USP21: variants seen among roughly 807,000 people sequenced by gnomAD.
USP21 encodes the protein ubiquitin carboxyl-terminal hydrolase 21.
Under a neutral mutation model 70.8 loss-of-function variants are expected in USP21, and 37 were observed. That is an observed-to-expected ratio of 0.52 (90% confidence interval 0.40 to 0.69). The LOEUF (loss-of-function observed/expected upper bound fraction) is 0.69. Ranked by LOEUF, USP21 falls within the 30% of genes least tolerant of loss-of-function variation. USP21 has a pLI of 0.00. For synonymous variants in USP21, 263 were observed against 283.1 expected (o/e 0.93, Z 0.71); for missense variants, 584 against 740.8 (o/e 0.79, Z 2.46).
In USP21 at chr1:161,164,918, G is replaced by C. The variant is rs1402409139; in HGVS notation, c.1468G>C (p.Gly490Arg). The change falls in exon 12 of 14, where the codon GGG becomes CGG. Residue 490 changes from glycine (G) to arginine (R), a missense_variant. Gly to Arg is a moderately radical substitution (Grantham distance 125). Transcript: ENST00000368002. The surrounding 1 kb of genome is among the most constrained non-coding windows in gnomAD (Gnocchi z 4.2). ...CTTTCCACTGCAGCGACTGAGCCTAGGGGACTTTGCCAGTGACAAAGCCGG... is the reference window on the plus strand; with the variant it reads ...CTTTCCACTGCAGCGACTGAGCCTACGGGACTTTGCCAGTGACAAAGCCGG... ...VDFPLQRLSL[G>R]DFASDKAGSP... 4 of 1,613,952 alleles carry C rather than the reference G, an allele frequency of 2.5e-6. No individual in the cohort carries two copies. The East Asian group carries it at 8.9e-5, about 36-fold the overall frequency.
At position 161,163,907 on chromosome 1, in the gene USP21, C is replaced by T; in HGVS notation, c.1144C>T (p.Leu382Phe). ...DLFVGQLKSC[L>F]KCQACGYRST... Reference sequence around the variant, plus strand: ...GTTTGTGGGCCAGTTGAAAAGTTGTCTCAAGTGCCAGGCCTGTGGGTATCG... The same window carrying T: ...GTTTGTGGGCCAGTTGAAAAGTTGTTTCAAGTGCCAGGCCTGTGGGTATCG... Residue 382 changes from leucine (L) to phenylalanine (F), a missense_variant, in exon 9 of 14, where the codon CTC becomes TTC. Coordinates refer to ENST00000368002, the MANE Select transcript of USP21 (RefSeq NM_001014443.3). The T allele has an allele frequency of 1.2e-6, 2 of 1,614,174 alleles. No individual in the cohort carries two copies. The highest frequency in any genetic ancestry group is 1.7e-6 in the Non-Finnish European group (2 of 1,180,034).
At chr1:161,159,759 C>T (rs373521826) in intron 1 of USP21, 81 bp downstream of exon 1, 47 of 152,470 alleles carry the variant, frequency 3.1e-4, no homozygotes, top group African/African-American at 8.7e-4. Flanking sequence ...AGGACACTCT[C>T]CACAAAGGCG....
chr1:161,162,175 G>C lies in USP21; in HGVS notation c.660+78G>C. On this transcript the variant is annotated intron_variant, in intron 4 of 13. Transcript: ENST00000368002. The surrounding 1 kb of genome is among the most constrained non-coding windows in gnomAD (Gnocchi z 4.1). ...GGGGGTGGGGAAAACCCACGAGCTT[G>C]GGGAAGGCATGTGGAAGGAGAGCTC... 1 of 1,612,888 alleles carries C rather than the reference G, an allele frequency of 6.2e-7. No homozygotes were observed. Among genetic ancestry groups the C allele is most frequent in the South Asian group, 1.1e-5 (1 of 91,046 alleles).
chr1:161,164,950 T>C lies in USP21; in HGVS notation c.1492+8T>C, dbSNP rs754737832. ...TTGCCAGTGACAAAGCCGGTGAGTC[T>C]GGTGGGGAAAGTCCTAAGGAGCCAA... On this transcript the variant is annotated splice_region_variant and intron_variant, in intron 12 of 13. Coordinates refer to ENST00000368002, the MANE Select transcript of USP21 (RefSeq NM_001014443.3). This position sits in a 1 kb window ranked among gnomAD's most constrained non-coding sequence, Gnocchi z 4.2. The C allele has an allele frequency of 1.2e-6, 2 of 1,613,864 alleles. No homozygotes were observed. Among genetic ancestry groups the C allele is most frequent in the Admixed American group, 3.3e-5 (2 of 60,000 alleles).
Position 161,160,437 on chromosome 1 carries a change from C to G in USP21, c.-91C>G. 1 of 664,328 alleles carries G rather than the reference C, an allele frequency of 1.5e-6. No individual in the cohort carries two copies. Among genetic ancestry groups the G allele is most frequent in the Non-Finnish European group, 2.7e-6 (1 of 369,010 alleles). 41.2% of individuals were successfully genotyped at this position (664,328 alleles called of 1,614,324 possible). On this transcript the variant is annotated 5_prime_UTR_variant, in exon 2 of 14. Transcript: ENST00000368002. ...CAGTGCGTATACTGCTCCCCACTTT[C>G]GTTGATGTGGTAGTGGTGATGACTG...
rs1421474857 is a variant in USP21 at position 161,162,739 on chromosome 1, G to T, written c.893+13G>T. On this transcript the variant is annotated intron_variant, in intron 6 of 13. Coordinates refer to ENST00000368002, the MANE Select transcript of USP21 (RefSeq NM_001014443.3). This position sits in a 1 kb window ranked among gnomAD's most constrained non-coding sequence, Gnocchi z 4.1. Reference sequence around the variant, plus strand: ...TCTCTGGATACAGGTGGGAGAGCTGGAGGCTATGGGATTTCTCTCTGGCCA... The same window carrying T: ...TCTCTGGATACAGGTGGGAGAGCTGTAGGCTATGGGATTTCTCTCTGGCCA... 3 of 1,604,024 alleles carry T rather than the reference G, an allele frequency of 1.9e-6. No homozygotes were observed. The highest frequency in any genetic ancestry group is 2.6e-6 in the Non-Finnish European group (3 of 1,170,846).
rs758599365 is a variant in USP21 at position 161,162,369 on chromosome 1, C to A, written c.760C>A (p.Arg254=). 5 of 1,611,712 alleles carry A rather than the reference C, an allele frequency of 3.1e-6. No homozygotes were observed. Among genetic ancestry groups the A allele is most frequent in the Admixed American group, 3.4e-5 (2 of 59,680 alleles). ...DFRQEVPGGG[R]AQELTEAFAD... ...CCGGCAAGAGGTGCCTGGAGGAGGC[C>A]GAGCCCAAGAGCTCACTGAAGGTGG... Residue 254 remains arginine (R), a synonymous_variant, in exon 5 of 14, where the codon CGA becomes AGA. Transcript: ENST00000368002. This position sits in a 1 kb window ranked among gnomAD's most constrained non-coding sequence, Gnocchi z 4.1.
rs1307614006 is a variant in USP21, at chr1:161,165,522, G to C, written c.*75G>C. 2.8e-5 allele frequency: 23 copies of C among 833,644 alleles called. 1 individual carries two copies. Among genetic ancestry groups the C allele is most frequent in the South Asian group, 1.0e-4 (5 of 48,938 alleles). 51.6% of individuals were successfully genotyped at this position (833,644 alleles called of 1,614,324 possible). ...CAGGCTCCCCGTTTACCTCAGAGAC[G>C]TCTATTTTTGTGTCTTTTTAATCGG... On this transcript the variant is annotated 3_prime_UTR_variant, in exon 14 of 14. Transcript: ENST00000368002.
Position 161,165,466 on chromosome 1 carries a change from C to G in USP21, c.*19C>G. The G allele has an allele frequency of 6.3e-7, 1 of 1,593,168 alleles. No homozygotes were observed. The highest frequency in any genetic ancestry group is 8.6e-7 in the Non-Finnish European group (1 of 1,161,494). Reference sequence around the variant, plus strand: ...CCTGTGACACCTCTAAGCTCTGGCACCTGTGAAGCCCTTTAAACACCCTTA... The same window carrying G: ...CCTGTGACACCTCTAAGCTCTGGCAGCTGTGAAGCCCTTTAAACACCCTTA... On this transcript the variant is annotated 3_prime_UTR_variant, in exon 14 of 14. Coordinates refer to ENST00000368002, the MANE Select transcript of USP21 (RefSeq NM_001014443.3).
In USP21 at chr1:161,162,253, T is replaced by G; in HGVS notation, c.661-17T>G. On this transcript the variant is annotated splice_polypyrimidine_tract_variant and intron_variant, in intron 4 of 13. Coordinates refer to ENST00000368002, the MANE Select transcript of USP21 (RefSeq NM_001014443.3). The surrounding 1 kb of genome is among the most constrained non-coding windows in gnomAD (Gnocchi z 4.1). The stretch of plus-strand genomic sequence containing the variant: ...GTGGTCTGGAGAGATAACAGCAGTG[T>G]CCCTACTGCTCCCCAGTGCTTCCTG... 6.2e-7 allele frequency: 1 copy of G among 1,606,290 alleles called. No homozygotes were observed. Among genetic ancestry groups the G allele is most frequent in the Non-Finnish European group, 8.5e-7 (1 of 1,174,680 alleles).
At chr1:161,163,150 A>G (rs1322504310) in intron 7 of USP21, 76 bp downstream of exon 7, 1 of 1,479,424 alleles carries the variant, frequency 6.8e-7, no homozygotes, top group East Asian at 2.3e-5. Flanking sequence ...TAAACTAGTA[A>G]AGATTGAAGA....
Position 161,165,350 on chromosome 1 carries a change from T to C in USP21, c.1608-7T>C. 6.2e-7 allele frequency: 1 copy of C among 1,613,644 alleles called. No individual in the cohort carries two copies. The highest frequency in any genetic ancestry group is 8.5e-7 in the Non-Finnish European group (1 of 1,179,602). The stretch of plus-strand genomic sequence containing the variant: ...CACAACCCTTTCCCGATCTCCTTTT[T>C]TCCTAGTGTCTCCCCTGTCAGTGAA... On this transcript the variant is annotated splice_polypyrimidine_tract_variant and splice_region_variant and intron_variant, in intron 13 of 13. Coordinates refer to ENST00000368002, the MANE Select transcript of USP21 (RefSeq NM_001014443.3).
chr1:161,161,015 C>A lies in USP21; in HGVS notation c.375C>A (p.Ala125=). ...GGGACTTGCGTCCAATGGGGATTGC[C>A]TTGGGAGGGCACCGTGGCACCGGAG... ...SSGDLRPMGI[A]LGGHRGTGEL... The change falls in exon 3 of 14, where the codon GCC becomes GCA. Residue 125 remains alanine (A), a synonymous_variant. Transcript: ENST00000368002. The surrounding 1 kb of genome is among the most constrained non-coding windows in gnomAD (Gnocchi z 4.2). 1 of 1,614,240 alleles carries A rather than the reference C, an allele frequency of 6.2e-7. No individual in the cohort carries two copies. The highest frequency in any genetic ancestry group is 1.1e-5 in the South Asian group (1 of 91,090).
In USP21 at chr1:161,162,026, C is replaced by T. The variant is rs370641558; in HGVS notation, c.601-12C>T. ...TATATAGGAACTTGCCGATTGTACT[C>T]TGACCTTCCAGGCTCATCACACACT... On this transcript the variant is annotated splice_polypyrimidine_tract_variant and intron_variant, in intron 3 of 13. Coordinates refer to ENST00000368002, the MANE Select transcript of USP21 (RefSeq NM_001014443.3). This position sits in a 1 kb window ranked among gnomAD's most constrained non-coding sequence, Gnocchi z 4.1. The T allele has an allele frequency of 6.2e-7, 1 of 1,614,046 alleles. No homozygotes were observed. The highest frequency in any genetic ancestry group is 1.3e-5 in the African/African-American group (1 of 74,916).
Position 161,165,411 on chromosome 1 carries a change from C to A in USP21, c.1662C>A (p.Phe554Leu). ...QVASSEGYVL[F>L]YQLMQEPPRC... Reference sequence around the variant, plus strand: ...CATCCAGCGAGGGCTACGTGCTGTTCTACCAACTGATGCAGGAGCCACCCC... The same window carrying A: ...CATCCAGCGAGGGCTACGTGCTGTTATACCAACTGATGCAGGAGCCACCCC... The change falls in exon 14 of 14, where the codon TTC becomes TTA. Residue 554 changes from phenylalanine to leucine, a missense_variant. Phe to Leu is a conservative substitution (Grantham distance 22). This residue lies in a region of USP21 where 173 missense variants were observed against 268.2 expected (regional missense o/e 0.65). Transcript: ENST00000368002. 1 of 1,614,132 alleles carries A rather than the reference C, an allele frequency of 6.2e-7. No homozygotes were observed. The highest frequency in any genetic ancestry group is 8.5e-7 in the Non-Finnish European group (1 of 1,180,006).
Position 161,162,168 on chromosome 1 carries a change from C to A in USP21, c.660+71C>A. On this transcript the variant is annotated intron_variant, in intron 4 of 13. Coordinates refer to ENST00000368002, the MANE Select transcript of USP21 (RefSeq NM_001014443.3). The surrounding 1 kb of genome is among the most constrained non-coding windows in gnomAD (Gnocchi z 4.1). ...TGGTGCTGGGGGTGGGGAAAACCCA[C>A]GAGCTTGGGGAAGGCATGTGGAAGG... 6.2e-7 allele frequency: 1 copy of A among 1,612,982 alleles called. No homozygotes were observed.
At position 161,162,049 on chromosome 1, in the gene USP21, A is replaced by T; in HGVS notation, c.612A>T (p.Thr204=). The part of the protein sequence containing the change: ...FYSDDKMAHH[T]LLLGSGHVGL... ...CTCTGACCTTCCAGGCTCATCACAC[A>T]CTCCTTCTGGGCTCTGGTCATGTTG... is the stretch of plus-strand genomic sequence containing the variant. The change falls in exon 4 of 14, where the codon ACA becomes ACT. Residue 204 remains threonine, a synonymous_variant. Transcript: ENST00000368002. This position sits in a 1 kb window ranked among gnomAD's most constrained non-coding sequence, Gnocchi z 4.1. The T allele has an allele frequency of 6.2e-7, 1 of 1,613,796 alleles. No homozygotes were observed. Among genetic ancestry groups the T allele is most frequent in the Non-Finnish European group, 8.5e-7 (1 of 1,179,950 alleles).
intron 8 of USP21, 51 bp downstream of exon 8, chr1:161,163,670 C>G (rs1255618271): frequency 6.4e-6 from 10 of 1,565,398 alleles, no homozygotes; most frequent in East Asian, 2.3e-5. Context: ...GAGGGGGGTA[C>G]AGGCTTGGGG....
chr1:161,160,311 CATTT>C (rs1053093238), intron 1 of USP21, 51 bp from the exon 2 acceptor site: 2 of 333,258 alleles, frequency 6.0e-6, no homozygotes, highest in South Asian at 4.1e-5. Flanking sequence ...ATCTTTCATT[CATTT>C]GTTTACCCAA....
Sources: allele counts gnomAD v4.1 joint callset, GRCh38; gene constraint gnomAD v4.1.1; regional missense constraint gnomAD v4.1.1; non-coding constraint Gnocchi (gnomAD v3.1); transcripts MANE v1.5; gene names NCBI Gene and HGNC (gene_info 2026-07-23, HGNC 2026-07-21).